Variants in ZRANB3 observed in about 807,000 individuals in gnomAD.
ZRANB3 encodes the protein DNA annealing helicase and endonuclease ZRANB3.
ZRANB3 carries 125 observed loss-of-function variants against 133.8 expected under a neutral mutation model. That is an observed-to-expected ratio of 0.93 (90% CI 0.81 to 1.08). The LOEUF (loss-of-function observed/expected upper bound fraction) is 1.08. Among genes scored for constraint, ZRANB3 ranks in the 50% least tolerant of loss-of-function variants. The pLI is 0.00. For missense variants in ZRANB3, 1,229 were observed against 1,275.5 expected, an observed-to-expected ratio of 0.96 and a Z score of 0.56; for synonymous variants, 387 against 432.7, an observed-to-expected ratio of 0.89 and a Z score of 1.31.
At chr2:135,381,350 T>G (rs1487851903) in intron 3 of ZRANB3, among the ~76,000 whole-genome samples, 1 of 152,172 alleles carries the variant, frequency 6.6e-6, no homozygotes. Flanking sequence ...CAAAGCGGCC[T>G]GGAAGCTCGA....
At chr2:135,231,045 T>G in intron 12 of ZRANB3, 118 bp from the exon 13 acceptor site, 12 of 869,052 alleles carry the variant, frequency 1.4e-5, no homozygotes, top group Non-Finnish European at 1.8e-5. Context: ...TAAATACCTT[T>G]TGGAAATGAA....
intron 3 of ZRANB3, among the ~76,000 whole-genome samples, chr2:135,373,119 A>G (rs1427090467): frequency 6.6e-6 from 1 of 152,056 alleles, no homozygotes; most frequent in East Asian, 1.9e-4. Flanking sequence ...CTAGGTGATG[A>G]GATCTTTTCT....
rs1258231117 is a variant in ZRANB3, at chr2:135,350,171, AAG to A, written c.402_403del (p.Leu135AsnfsTer13). ...TATCAAAGTCTTTGCATCTGCGGTT[AAG>A]AGACCATAACCCAGAACTGTCACTT... On this transcript the variant is annotated frameshift_variant, in exon 5 of 21. Coordinates refer to ENST00000264159, the MANE Select transcript of ZRANB3 (RefSeq NM_032143.4). LOFTEE classifies it high-confidence loss of function. 6.2e-7 allele frequency: 1 copy of A among 1,608,478 alleles called. No individual in the cohort carries two copies. The highest frequency in any genetic ancestry group is 1.7e-5 in the Admixed American group (1 of 58,998).
intron 8 of ZRANB3, among the ~76,000 whole-genome samples, chr2:135,280,952 A>C (rs2104781276): frequency 6.6e-6 from 1 of 151,322 alleles, no homozygotes; most frequent in East Asian, 1.9e-4. Context: ...AAATCCCCCC[A>C]CTCTTGATAT....
intron 12 of ZRANB3, among the ~76,000 whole-genome samples, chr2:135,261,390 TA>T (rs1679958750): frequency 6.6e-6 from 1 of 152,140 alleles, no homozygotes; most frequent in Non-Finnish European, 1.5e-5. Flanking sequence ...CACACCCACC[TA>T]AAGTCAATCA....
intron 2 of ZRANB3, among the ~76,000 whole-genome samples, chr2:135,447,309 G>A (rs1408167736): frequency 1.3e-5 from 2 of 152,168 alleles, no homozygotes; most frequent in Non-Finnish European, 2.9e-5. Flanking sequence ...AAAGTGTTGG[G>A]ATTACAGACG....
At chr2:135,296,266 T>C in intron 8 of ZRANB3, among the ~76,000 whole-genome samples, 1 of 152,242 alleles carries the variant, frequency 6.6e-6, no homozygotes, top group East Asian at 1.9e-4. Context: ...TGTTGGAGGC[T>C]TTGTTCATTT....
At chr2:135,341,469 G>A (rs1684659579) in intron 6 of ZRANB3, among the ~76,000 whole-genome samples, 1 of 149,920 alleles carries the variant, frequency 6.7e-6, no homozygotes, top group Non-Finnish European at 1.5e-5. Flanking sequence ...ATCCTGTGAT[G>A]ATTGCATTAT....
chr2:135,460,900 C>T (rs553518000), intron 2 of ZRANB3, among the ~76,000 whole-genome samples: 1 of 152,062 alleles, frequency 6.6e-6, no homozygotes, highest in East Asian at 1.9e-4. Flanking sequence ...AATATGGTAG[C>T]CACTAATGAC....
At chr2:135,292,753 TC>T (rs1204720784) in intron 8 of ZRANB3, among the ~76,000 whole-genome samples, 7 of 152,210 alleles carry the variant, frequency 4.6e-5, no homozygotes, top group African/African-American at 1.7e-4. Context: ...CTTTAATCCA[TC>T]TTGAATTAAT....
chr2:135,342,894 G>T lies in ZRANB3; in HGVS notation c.677+2656C>A, dbSNP rs188216551. 3.7e-3 allele frequency among the ~76,000 whole-genome samples: 538 copies of T among 147,372 alleles called. 53 individuals are homozygous for T. Among genetic ancestry groups the T allele is most frequent in the African/African-American group, 0.013 (502 of 37,820 alleles). On this transcript the variant is annotated intron_variant, in intron 6 of 20. Coordinates refer to ENST00000264159, the MANE Select transcript of ZRANB3 (RefSeq NM_032143.4). ...CAAGGGTAAATGTTGGCTGGGCATG[G>T]TAGCTCACACCTGTAATCCCAGCAC...
At chr2:135,420,284 C>CA (rs1192905150) in intron 2 of ZRANB3, among the ~76,000 whole-genome samples, 6 of 150,978 alleles carry the variant, frequency 4.0e-5, no homozygotes, top group African/African-American at 1.5e-4. Flanking sequence ...ATCATCAATT[C>CA]AAAAAATTAA....
At position 135,344,050 on chromosome 2, in the gene ZRANB3, G is replaced by A. The variant is rs537976820; in HGVS notation, c.677+1500C>T. On this transcript the variant is annotated intron_variant, in intron 6 of 20. Transcript: ENST00000264159. ...TCTTAGATTTTTCCCCTATGCATAT[G>A]GCATGAAATACTAAAATAGCTAACA... 2.6e-5 allele frequency among the ~76,000 whole-genome samples: 4 copies of A among 152,246 alleles called. No individual in the cohort carries two copies. The East Asian group carries it at 7.7e-4, about 29-fold the overall frequency.
intron 2 of ZRANB3, among the ~76,000 whole-genome samples, chr2:135,399,789 G>T (rs1687656514): frequency 6.6e-6 from 1 of 152,150 alleles, no homozygotes; most frequent in Non-Finnish European, 1.5e-5. Context: ...CGGGGAAGGG[G>T]CAAAACACAA....
chr2:135,296,891 A>G (rs1408671479), intron 8 of ZRANB3, among the ~76,000 whole-genome samples: 1 of 152,140 alleles, frequency 6.6e-6, no homozygotes, highest in Non-Finnish European at 1.5e-5. Context: ...GCAGAACAAC[A>G]GATATTGGTG....
Position 135,308,980 on chromosome 2 carries a change from C to CT in ZRANB3, c.966+4508_966+4509insA, listed in dbSNP as rs1682839989. On this transcript the variant is annotated intron_variant, in intron 8 of 20. Transcript: ENST00000264159. ...ATCTAAAAAAACTTAGTAATAACAT[C>CT]ATTTTTTTTTTTTTTTTTGAGATGG... 3.6e-5 allele frequency among the ~76,000 whole-genome samples: 5 copies of CT among 140,022 alleles called. No homozygotes were observed. The South Asian group carries it at 1.2e-3, about 32-fold the overall frequency. The allele number at this position is 140,022 out of a possible 152,430, so 91.9% of individuals were successfully genotyped here.
chr2:135,467,554 C>A (rs541408022), intron 2 of ZRANB3, among the ~76,000 whole-genome samples: 3 of 152,390 alleles, frequency 2.0e-5, no homozygotes, highest in African/African-American at 7.2e-5. Flanking sequence ...CCTAATCCCT[C>A]TTACATTCTC....
intron 8 of ZRANB3, among the ~76,000 whole-genome samples, chr2:135,291,744 C>A (rs563826029): frequency 2.0e-5 from 3 of 152,010 alleles, no homozygotes; most frequent in South Asian, 2.1e-4. Flanking sequence ...ATCCCTCCCC[C>A]CTTCCCCCAC....
intron 2 of ZRANB3, among the ~76,000 whole-genome samples, chr2:135,394,194 C>T (rs1687374409): frequency 1.3e-5 from 2 of 152,068 alleles, no homozygotes; most frequent in Non-Finnish European, 2.9e-5. Flanking sequence ...GAGATACCCC[C>T]GATTTGTTAC....
Sources: gnomAD v4.1 joint callset for allele counts (sites outside exome capture counted in the v4.1 genomes callset) on GRCh38, gnomAD v4.1.1 for gene constraint, MANE v1.5 for transcripts, NCBI Gene and HGNC (gene_info 2026-07-23, HGNC 2026-07-21) for gene names.